Variants in CFAP52 observed in about 807,000 individuals in gnomAD.
CFAP52 encodes the protein cilia- and flagella-associated protein 52.
A neutral mutation model predicts 70.5 loss-of-function variants in CFAP52; 57 were observed. The observed-to-expected ratio is 0.81, with a 90% CI of 0.65 to 1.01. The LOEUF is 1.01. Ranked by LOEUF, CFAP52 falls within the 50% of genes least tolerant of loss-of-function variation. The pLI is 0.00. For missense variants in CFAP52, 785 were observed against 788.5 expected, an observed-to-expected ratio of 1.00 and a Z score of 0.05; for synonymous variants, 267 against 292.5, an observed-to-expected ratio of 0.91 and a Z score of 0.89.
rs1047412036 is a variant in CFAP52, at chr17:9,612,374, T to C, written c.920T>C (p.Val307Ala). The change falls in exon 8 of 14, where the codon GTA becomes GCA. Residue 307 changes from valine (V) to alanine (A), a missense_variant. By Grantham distance (64) the Val-to-Ala change is moderately conservative. Coordinates refer to ENST00000352665, the MANE Select transcript of CFAP52 (RefSeq NM_145054.5). ...CGAGGAGAAGGACACCAGTTTCTCG[T>C]AGGAACAGAAGAATCGCACATTTAT... ...TLRGEGHQFL[V>A]GTEESHIYRV... The C allele has an allele frequency of 2.5e-6, 4 of 1,614,090 alleles. No individual in the cohort carries two copies. Among genetic ancestry groups the C allele is most frequent in the African/African-American group, 1.3e-5 (1 of 74,936 alleles).
Position 9,576,730 on chromosome 17 carries a change from C to T in CFAP52, c.35C>T (p.Ala12Val). The change falls in exon 1 of 14, where the codon GCG (alanine) becomes GTG (valine). Residue 12 changes from alanine to valine, a missense_variant. Ala to Val is a moderately conservative substitution (Grantham distance 64). Coordinates refer to ENST00000352665, the MANE Select transcript of CFAP52 (RefSeq NM_145054.5). ...DNKISPEAQV[A>V]ELELDAVIGF... ...AAAATTTCGCCGGAGGCCCAAGTGG[C>T]GGAGCTGGAACTTGACGCCGTGATC... 6.2e-7 allele frequency: 1 copy of T among 1,612,182 alleles called. No homozygotes were observed. Among genetic ancestry groups the T allele is most frequent in the Non-Finnish European group, 8.5e-7 (1 of 1,179,072 alleles).
rs1909108370 is a variant in CFAP52 at position 9,598,275 on chromosome 17, A to G, written c.578A>G (p.Lys193Arg). The G allele has an allele frequency of 6.2e-7, 1 of 1,613,440 alleles. No homozygotes were observed. The highest frequency in any genetic ancestry group is 8.5e-7 in the Non-Finnish European group (1 of 1,179,986). The change falls in exon 5 of 14, where the codon AAA becomes AGA. Residue 193 changes from lysine to arginine, a missense_variant. Lys to Arg is a conservative substitution (Grantham distance 26). Transcript: ENST00000352665. The part of the protein sequence containing the change: ...RVWELDLPNR[K>R]IWPTECQTGQ... ...TGGGAATTGGATCTTCCAAATAGAA[A>G]AATCTGGCCAACTGAGTGCCAAACA... is the stretch of plus-strand genomic sequence containing the variant.
chr17:9,636,916 G>A lies in CFAP52; in HGVS notation c.1472+1360G>A, dbSNP rs140427266. On this transcript the variant is annotated intron_variant, in intron 11 of 13. Coordinates refer to ENST00000352665, the MANE Select transcript of CFAP52 (RefSeq NM_145054.5). ...AAAAAGTAGCTGGGCGTGGTGGCGC[G>A]TGCCTGTTATCCCAGCTACTCAGGA... Among the ~76,000 whole-genome samples the A allele has an allele frequency of 5.0e-3, 764 of 152,178 alleles. 8 individuals are homozygous for A. The highest frequency in any genetic ancestry group is 0.017 in the African/African-American group (690 of 41,486).
At chr17:9,578,863 A>G (rs563588454) in intron 1 of CFAP52, among the ~76,000 whole-genome samples, 1 of 152,248 alleles carries the variant, frequency 6.6e-6, no homozygotes, top group East Asian at 1.9e-4. Flanking sequence ...GGAGGGGTGC[A>G]TGGCCTTAGG....
intron 11 of CFAP52, among the ~76,000 whole-genome samples, chr17:9,635,954 C>G (rs1910756701): frequency 6.6e-6 from 1 of 151,884 alleles, no homozygotes. Context: ...GGGCAGATCA[C>G]CTGAGGTCAG....
intron 1 of CFAP52, 133 bp downstream of exon 1, chr17:9,576,898 C>G (rs1350872736): frequency 2.2e-6 from 2 of 904,522 alleles, no homozygotes; most frequent in Non-Finnish European, 3.2e-6. Context: ...GCCAGGGACA[C>G]GCACAGGAGG....
At chr17:9,638,317 G>A (rs1374959348) in intron 11 of CFAP52, among the ~76,000 whole-genome samples, 1 of 152,108 alleles carries the variant, frequency 6.6e-6, no homozygotes, top group Non-Finnish European at 1.5e-5. Flanking sequence ...TTCTTCCCTG[G>A]AACTTAAGGG....
At chr17:9,628,278 T>A (rs570211567) in intron 8 of CFAP52, among the ~76,000 whole-genome samples, 11 of 150,342 alleles carry the variant, frequency 7.3e-5, no homozygotes, top group Admixed American at 2.6e-4. Context: ...TCCTTCCCTA[T>A]ATTCTTTTTT....
At chr17:9,587,333 A>G (rs1461825351) in intron 3 of CFAP52, among the ~76,000 whole-genome samples, 1 of 152,188 alleles carries the variant, frequency 6.6e-6, no homozygotes. Context: ...TGCACATACA[A>G]TCATATGTGT....
chr17:9,633,675 C>CTTTTTT (rs555923244), intron 10 of CFAP52, among the ~76,000 whole-genome samples: 114 of 138,538 alleles, frequency 8.2e-4, no homozygotes, highest in African/African-American at 2.8e-3. Context: ...GTCATCTTAT[C>CTTTTTT]TTTTTTTTTT....
At position 9,622,927 on chromosome 17, in the gene CFAP52, A is replaced by G. The variant is rs368787; in HGVS notation, c.1026-5745A>G. Among the ~76,000 whole-genome samples, 374 of 152,258 alleles carry G rather than the reference A, an allele frequency of 2.5e-3. 1 individual carries two copies. The highest frequency in any genetic ancestry group is 8.7e-3 in the African/African-American group (361 of 41,562). On this transcript the variant is annotated intron_variant, in intron 8 of 13. Transcript: ENST00000352665. Reference sequence around the variant, plus strand: ...CTTTATGTAAATAGAATATTTCAATATGTACTTTGGAGATCTTTTTTCTTC... The same window carrying G: ...CTTTATGTAAATAGAATATTTCAATGTGTACTTTGGAGATCTTTTTTCTTC...
chr17:9,615,764 A>G (rs1909877674), intron 8 of CFAP52, among the ~76,000 whole-genome samples: 1 of 142,378 alleles, frequency 7.0e-6, no homozygotes, highest in South Asian at 2.2e-4. Context: ...ATGTACCACC[A>G]TGCCCAGCTA....
chr17:9,635,883 G>A lies in CFAP52; in HGVS notation c.1472+327G>A, dbSNP rs147844022. Among the ~76,000 whole-genome samples, 4 of 152,150 alleles carry A rather than the reference G, an allele frequency of 2.6e-5. No individual in the cohort carries two copies. In the East Asian group the frequency reaches 5.8e-4, roughly 22 times the overall value. On this transcript the variant is annotated intron_variant, in intron 11 of 13. Coordinates refer to ENST00000352665, the MANE Select transcript of CFAP52 (RefSeq NM_145054.5). Reference sequence around the variant, plus strand: ...AATGAAAGGGGGCAAGAAAAATAACGAATGCAAGGTCGGGCGTGGTGGCTT... The same window carrying A: ...AATGAAAGGGGGCAAGAAAAATAACAAATGCAAGGTCGGGCGTGGTGGCTT...
chr17:9,631,080 A>AAGAAAG (rs1567635036), intron 9 of CFAP52, among the ~76,000 whole-genome samples: 2 of 68,508 alleles, frequency 2.9e-5, no homozygotes, highest in Admixed American at 1.4e-4. Context: ...GAAAGAAAGA[A>AAGAAAG]AGAGAAAGAA....
Position 9,594,183 on chromosome 17 carries a change from A to C in CFAP52, c.408-10A>C. 1 of 1,547,676 alleles carries C rather than the reference A, an allele frequency of 6.5e-7. No homozygotes were observed. The highest frequency in any genetic ancestry group is 1.2e-5 in the South Asian group (1 of 81,920). On this transcript the variant is annotated splice_polypyrimidine_tract_variant and intron_variant, in intron 3 of 13. Transcript: ENST00000352665. Reference sequence around the variant, plus strand: ...TGACTTTTTTTTTTTGGTCCCTCTTATTTTGGCAGTGTGGTGGTGTGGAGC... The same window carrying C: ...TGACTTTTTTTTTTTGGTCCCTCTTCTTTTGGCAGTGTGGTGGTGTGGAGC...
chr17:9,591,026 G>A (rs1908725248), intron 3 of CFAP52, among the ~76,000 whole-genome samples: 2 of 120,080 alleles, frequency 1.7e-5, no homozygotes, highest in African/African-American at 6.2e-5. Flanking sequence ...TAGTTTGCAT[G>A]CATCTTTTTT....
chr17:9,632,824 G>A, intron 9 of CFAP52, 64 bp from the exon 10 acceptor site: 1 of 1,570,434 alleles, frequency 6.4e-7, no homozygotes, highest in Non-Finnish European at 8.6e-7. Flanking sequence ...AGTGAGGCCA[G>A]CAGACTGTGG....
intron 13 of CFAP52, among the ~76,000 whole-genome samples, chr17:9,642,518 G>C (rs1014932536): frequency 3.4e-4 from 52 of 152,160 alleles, no homozygotes; most frequent in African/African-American, 9.9e-4. Flanking sequence ...CAGCTACTTG[G>C]GAGGCTGAGA....
intron 1 of CFAP52, among the ~76,000 whole-genome samples, chr17:9,583,361 C>G (rs537413920): frequency 2.3e-4 from 35 of 151,870 alleles, no homozygotes; most frequent in African/African-American, 7.7e-4. Context: ...CATAAAGCAC[C>G]AAAATAAATT....
Sources: allele counts gnomAD v4.1 joint callset (sites outside exome capture counted in the v4.1 genomes callset), GRCh38; gene constraint gnomAD v4.1.1; transcripts MANE v1.5; gene names NCBI Gene and HGNC (gene_info 2026-07-23, HGNC 2026-07-21).